SPATA16: variants seen among roughly 807,000 people sequenced by gnomAD.
The protein encoded by SPATA16 is spermatogenesis associated 16.
Under a neutral mutation model 63.3 loss-of-function variants are expected in SPATA16, and 36 were observed. That is an observed-to-expected ratio of 0.57 (90% CI 0.44 to 0.75). The LOEUF is 0.75. SPATA16 is among the 30% of genes least tolerant of loss of function. The pLI, the probability that SPATA16 is intolerant of heterozygous loss-of-function variation, is 0.00. For synonymous variants in SPATA16, 203 were observed against 216.7 expected, an observed-to-expected ratio of 0.94 and a Z score of 0.56; for missense variants, 646 against 679.3, an observed-to-expected ratio of 0.95 and a Z score of 0.54.
chr3:172,975,640 GT>G (rs1312923478), intron 5 of SPATA16, among the ~76,000 whole-genome samples: 1 of 152,090 alleles, frequency 6.6e-6, no homozygotes, highest in African/African-American at 2.4e-5. Context: ...TCTTAGGAAG[GT>G]CTTAAAATTA....
In SPATA16 at chr3:172,929,639, C is replaced by G. The variant is rs192068410; in HGVS notation, c.1082-4147G>C. On this transcript the variant is annotated intron_variant, in intron 6 of 10. Transcript: ENST00000351008. ...CATTCAGTGCTCCTCACAGCTGTCC[C>G]CAGCTCACTGATACTCTCTTCATAC... 1.2e-3 allele frequency among the ~76,000 whole-genome samples: 182 copies of G among 152,190 alleles called. 1 individual carries two copies. The highest frequency in any genetic ancestry group is 4.0e-3 in the African/African-American group (167 of 41,538).
At chr3:173,112,226 T>A (rs893676815) in intron 2 of SPATA16, among the ~76,000 whole-genome samples, 4 of 152,218 alleles carry the variant, frequency 2.6e-5, no homozygotes, top group African/African-American at 9.6e-5. Flanking sequence ...TTCTTTCCTA[T>A]AAAATCAATG....
At chr3:173,137,860 CACACACACACACAG>C (rs1738591638) in intron 1 of SPATA16, among the ~76,000 whole-genome samples, 1 of 151,282 alleles carries the variant, frequency 6.6e-6, no homozygotes, top group Admixed American at 6.6e-5. Flanking sequence ...CACACACACA[CACACACACACACAG>C]ACACACACAC....
chr3:172,951,174 A>G (rs1345731024), intron 6 of SPATA16, among the ~76,000 whole-genome samples: 9 of 152,164 alleles, frequency 5.9e-5, no homozygotes, highest in Admixed American at 2.0e-4. Context: ...AATAATAAAA[A>G]TGGATAGCTA....
chr3:173,080,917 G>A (rs934271994), intron 2 of SPATA16, among the ~76,000 whole-genome samples: 1 of 152,118 alleles, frequency 6.6e-6, no homozygotes, highest in Non-Finnish European at 1.5e-5. Context: ...TGATATACAG[G>A]CTTGGAAAGA....
chr3:172,952,367 T>C (rs1424786354), intron 6 of SPATA16, among the ~76,000 whole-genome samples: 2 of 152,122 alleles, frequency 1.3e-5, no homozygotes, highest in Non-Finnish European at 2.9e-5. Context: ...GAGATAACTG[T>C]TTTTTGTTCA....
In SPATA16 at chr3:173,088,007, CGTCTTTCTTTCTTTCTTTCTTTCTTTCT is replaced by C. The variant is rs1390450520; in HGVS notation, c.612+29085_612+29112del. Reference sequence around the variant, plus strand: ...AATCTGATGATTAGCATTTTCTTTCCGTCTTTCTTTCTTTCTTTCTTTCTTTCTTTCTTTCTTTCTTTCTTTCTTTCTT... The same window carrying C: ...AATCTGATGATTAGCATTTTCTTTCCTTCTTTCTTTCTTTCTTTCTTTCTT... On this transcript the variant is annotated intron_variant, in intron 2 of 10. Transcript: ENST00000351008. Among the ~76,000 whole-genome samples, 83 of 118,368 alleles carry C rather than the reference CGTCTTTCTTTCTTTCTTTCTTTCTTTCT, an allele frequency of 7.0e-4. 1 individual carries two copies. The highest frequency in any genetic ancestry group is 2.6e-3 in the African/African-American group (74 of 28,566). 77.7% of individuals were successfully genotyped at this position (118,368 alleles called of 152,430 possible).
At position 172,919,598 on chromosome 3, in the gene SPATA16, C is replaced by T. The variant is rs1732573754; in HGVS notation, c.1339-3117G>A. On this transcript the variant is annotated intron_variant, in intron 8 of 10. Transcript: ENST00000351008. Reference sequence around the variant, plus strand: ...CACCTCATAGCAAGAGTTGAAAATTCATGTTCTTTAGCAAGCTTTTTACAG... The same window carrying T: ...CACCTCATAGCAAGAGTTGAAAATTTATGTTCTTTAGCAAGCTTTTTACAG... Among the ~76,000 whole-genome samples, 3 of 152,238 alleles carry T rather than the reference C, an allele frequency of 2.0e-5. No homozygotes were observed. In the South Asian group the frequency reaches 6.2e-4, roughly 32 times the overall value.
At chr3:173,020,827 A>G (rs1467787332) in intron 3 of SPATA16, among the ~76,000 whole-genome samples, 7 of 152,238 alleles carry the variant, frequency 4.6e-5, no homozygotes, top group Non-Finnish European at 5.9e-5. Context: ...GAACCAACGC[A>G]TGATTATTAA....
At chr3:173,079,896 T>C (rs573464808) in intron 2 of SPATA16, among the ~76,000 whole-genome samples, 30 of 152,200 alleles carry the variant, frequency 2.0e-4, no homozygotes, top group Non-Finnish European at 3.4e-4. Context: ...AGTGAGGATA[T>C]GTAAAGGAAA....
chr3:173,117,581 AGTTTTTCT>A lies in SPATA16; in HGVS notation c.143_150del (p.Lys48MetfsTer4). On this transcript the variant is annotated frameshift_variant, in exon 2 of 11. Coordinates refer to ENST00000351008, the MANE Select transcript of SPATA16 (RefSeq NM_031955.6). LOFTEE classifies it high-confidence loss of function. ...GTGATTTCTACCTGTTTACCTCCAC[AGTTTTTCT>A]TAATCTCTTGTGACATTTCCAGGAT... The A allele has an allele frequency of 6.2e-7, 1 of 1,613,520 alleles. No homozygotes were observed. Among genetic ancestry groups the A allele is most frequent in the Non-Finnish European group, 8.5e-7 (1 of 1,179,772 alleles).
At chr3:173,107,458 T>G (rs973467476) in intron 2 of SPATA16, among the ~76,000 whole-genome samples, 1 of 150,728 alleles carries the variant, frequency 6.6e-6, no homozygotes, top group Non-Finnish European at 1.5e-5. Flanking sequence ...TCTCTCTATT[T>G]TTTTTTTTTT....
chr3:172,987,410 A>G (rs937985036), intron 4 of SPATA16, among the ~76,000 whole-genome samples: 3 of 152,178 alleles, frequency 2.0e-5, no homozygotes, highest in African/African-American at 7.2e-5. Flanking sequence ...CTGTCCCACC[A>G]TATCCCGGGT....
intron 10 of SPATA16, among the ~76,000 whole-genome samples, chr3:172,895,905 CTTTG>C (rs144185584): frequency 0.097 from 14,714 of 151,842 alleles, 796 homozygotes; most frequent in African/African-American, 0.14. Context: ...GTATACAGGT[CTTTG>C]TTTGAACGTA....
At chr3:173,051,768 T>G (rs1359546992) in intron 2 of SPATA16, among the ~76,000 whole-genome samples, 1 of 152,140 alleles carries the variant, frequency 6.6e-6, no homozygotes, top group Admixed American at 6.5e-5. Context: ...CCTATCCTTG[T>G]TTCTCTCTGA....
Position 173,117,615 on chromosome 3 carries a change from G to C in SPATA16, c.117C>G (p.Asn39Lys). The change falls in exon 2 of 11, where the codon AAC (asparagine) becomes AAG (lysine). Residue 39 changes from asparagine (N) to lysine (K), a missense_variant. Physicochemically the swap from Asn to Lys is moderately conservative, Grantham distance 94. Coordinates refer to ENST00000351008, the MANE Select transcript of SPATA16 (RefSeq NM_031955.6). ...TAATCTCTTGTGACATTTCCAGGAT[G>C]TTAGGTGGGTGCGCTAAGGTGGACA... is the stretch of plus-strand genomic sequence containing the variant. ...KKMSTLAHPPNILEMSQEIKK... is the reference protein window; with the variant it reads ...KKMSTLAHPPKILEMSQEIKK... The C allele has an allele frequency of 6.2e-7, 1 of 1,613,956 alleles. No homozygotes were observed. Among genetic ancestry groups the C allele is most frequent in the Non-Finnish European group, 8.5e-7 (1 of 1,179,884 alleles).
At chr3:173,024,303 T>C (rs1735403389) in intron 3 of SPATA16, among the ~76,000 whole-genome samples, 1 of 151,688 alleles carries the variant, frequency 6.6e-6, no homozygotes, top group African/African-American at 2.4e-5. Flanking sequence ...ATAGGCTAAA[T>C]TTTTTAGAAA....
chr3:172,900,911 G>A (rs1392128885), intron 10 of SPATA16, among the ~76,000 whole-genome samples: 1 of 152,108 alleles, frequency 6.6e-6, no homozygotes, highest in African/African-American at 2.4e-5. Context: ...AAAGTGCTGG[G>A]ATTCAGGCAT....
intron 2 of SPATA16, among the ~76,000 whole-genome samples, chr3:173,112,550 T>C (rs1281720326): frequency 6.6e-6 from 1 of 152,182 alleles, no homozygotes; most frequent in Non-Finnish European, 1.5e-5. Context: ...GGTTTTCTCA[T>C]TAGTAACACA....
Sources: gnomAD v4.1 joint callset for allele counts (sites outside exome capture counted in the v4.1 genomes callset) on GRCh38, gnomAD v4.1.1 for gene constraint, MANE v1.5 for transcripts, NCBI Gene and HGNC (gene_info 2026-07-23, HGNC 2026-07-21) for gene names.